Variants in PSMD14 observed in about 807,000 individuals in gnomAD.
The protein encoded by PSMD14 is ubiquitin C-terminal hydrolase PSMD14.
PSMD14 carries 7 observed loss-of-function variants against 41.2 expected under a neutral mutation model. The observed-to-expected ratio is 0.17, with a 90% CI of 0.10 to 0.32. PSMD14 has a LOEUF of 0.32. Among genes scored for constraint, PSMD14 ranks in the 10% least tolerant of loss-of-function variants. The probability of loss-of-function intolerance (pLI) is 1.00; values close to 1 mark genes in which losing one functional copy is unlikely to be tolerated. For missense variants in PSMD14, 139 were observed against 375.6 expected, an observed-to-expected ratio of 0.37 and a Z score of 5.21; for synonymous variants, 114 against 122.3, an observed-to-expected ratio of 0.93 and a Z score of 0.45.
intron 1 of PSMD14, among the ~76,000 whole-genome samples, chr2:161,310,922 C>T (rs1559034992): frequency 6.6e-6 from 1 of 152,194 alleles, no homozygotes; most frequent in Non-Finnish European, 1.5e-5. Flanking sequence ...TCTCTCAGTG[C>T]ATGCCACTAA....
At chr2:161,402,239 A>G (rs1574143311) in intron 10 of PSMD14, among the ~76,000 whole-genome samples, 2 of 152,196 alleles carry the variant, frequency 1.3e-5, no homozygotes, top group African/African-American at 2.4e-5. Context: ...TCTAAAATGC[A>G]TATTGGTCAT....
At chr2:161,326,452 T>C (rs979147704) in intron 3 of PSMD14, among the ~76,000 whole-genome samples, 2 of 152,200 alleles carry the variant, frequency 1.3e-5, no homozygotes, top group Non-Finnish European at 2.9e-5. Context: ...TGTACATTGA[T>C]GGTAGAAATG....
rs530966953 is a variant in PSMD14, at chr2:161,390,224, T to A, written c.571-880T>A. The stretch of plus-strand genomic sequence containing the variant: ...AGTCTATTAGTTAGAGAAGTGGTGG[T>A]TATTTTGGTTAGTTTTTCTCTTTAG... On this transcript the variant is annotated intron_variant, in intron 8 of 11. Coordinates refer to ENST00000409682, the MANE Select transcript of PSMD14 (RefSeq NM_005805.6). Among the ~76,000 whole-genome samples the A allele has an allele frequency of 3.3e-5, 5 of 152,004 alleles. No individual in the cohort carries two copies. The South Asian group carries it at 1.0e-3, about 31-fold the overall frequency.
intron 3 of PSMD14, among the ~76,000 whole-genome samples, chr2:161,350,916 A>C (rs1683109886): frequency 6.6e-6 from 1 of 152,162 alleles, no homozygotes; most frequent in Non-Finnish European, 1.5e-5. Context: ...TATACTGTGG[A>C]GTGTGCTTCA....
At chr2:161,346,966 C>T (rs972769121) in intron 3 of PSMD14, among the ~76,000 whole-genome samples, 2 of 150,880 alleles carry the variant, frequency 1.3e-5, no homozygotes, top group African/African-American at 2.4e-5. Context: ...GGTTTTCTCT[C>T]TTTGCAGCTA....
At chr2:161,330,865 G>T (rs1682777082) in intron 3 of PSMD14, among the ~76,000 whole-genome samples, 1 of 152,126 alleles carries the variant, frequency 6.6e-6, no homozygotes, top group African/African-American at 2.4e-5. Flanking sequence ...CTTACTCATT[G>T]TACATTTTCC....
chr2:161,327,710 C>T (rs1430690234), intron 3 of PSMD14, among the ~76,000 whole-genome samples: 1 of 152,026 alleles, frequency 6.6e-6, no homozygotes, highest in East Asian at 1.9e-4. Context: ...ACACATTAAT[C>T]TGCAACACCA....
At chr2:161,387,333 A>G (rs1184004736) in intron 8 of PSMD14, among the ~76,000 whole-genome samples, 1 of 152,060 alleles carries the variant, frequency 6.6e-6, no homozygotes, top group Non-Finnish European at 1.5e-5. Context: ...ATTTTATTTT[A>G]TGTTAGCAGG....
At chr2:161,345,236 C>CTTTTTTTTTTTTTTTTTTTT in intron 3 of PSMD14, among the ~76,000 whole-genome samples, 1 of 57,020 alleles carries the variant, frequency 1.8e-5, no homozygotes, top group Non-Finnish European at 3.0e-5. Context: ...ATCTCTGTGT[C>CTTTTTTTTTTTTTTTTTTTT]TTTTTTTTTT....
At chr2:161,383,065 C>A (rs765003705) in intron 7 of PSMD14, 1 of 150,540 alleles carries the variant, frequency 6.6e-6, no homozygotes, top group Admixed American at 6.6e-5. Flanking sequence ...TTTAATCTTA[C>A]GGTGGCATAA....
chr2:161,365,814 G>A (rs376506893), intron 3 of PSMD14, among the ~76,000 whole-genome samples: 17 of 152,096 alleles, frequency 1.1e-4, no homozygotes, highest in African/African-American at 1.7e-4. Flanking sequence ...ATTTAAAGTC[G>A]TCTTTTAACT....
intron 3 of PSMD14, among the ~76,000 whole-genome samples, chr2:161,364,026 G>C (rs1302453330): frequency 6.6e-6 from 1 of 152,192 alleles, no homozygotes; most frequent in African/African-American, 2.4e-5. Flanking sequence ...CAGATCACAC[G>C]TGGGCTTGGA....
At chr2:161,343,743 G>T (rs1230238273) in intron 3 of PSMD14, among the ~76,000 whole-genome samples, 1 of 152,022 alleles carries the variant, frequency 6.6e-6, no homozygotes, top group Non-Finnish European at 1.5e-5. Context: ...CTGGAGAATC[G>T]CTTGAGCCTG....
intron 5 of PSMD14, 93 bp from the exon 6 acceptor site, chr2:161,370,014 T>C: frequency 2.4e-6 from 2 of 840,918 alleles, no homozygotes; most frequent in East Asian, 5.6e-5. Context: ...TCAAAACCTA[T>C]AAAATGATTT....
At chr2:161,363,080 CT>C (rs1683311535) in intron 3 of PSMD14, among the ~76,000 whole-genome samples, 1 of 152,206 alleles carries the variant, frequency 6.6e-6, no homozygotes, top group Admixed American at 6.5e-5. Flanking sequence ...ACTGCCTGAG[CT>C]CCACCTCCTG....
intron 9 of PSMD14, among the ~76,000 whole-genome samples, chr2:161,392,713 TG>T (rs1234047884): frequency 2.0e-5 from 3 of 152,128 alleles, no homozygotes; most frequent in Non-Finnish European, 4.4e-5. Flanking sequence ...CTCTTCTAAT[TG>T]CCTGCCTGTG....
At position 161,364,758 on chromosome 2, in the gene PSMD14, TC is replaced by T. The variant is rs1451661184; in HGVS notation, c.49-2719del. On this transcript the variant is annotated intron_variant, in intron 3 of 11. Transcript: ENST00000409682. ...TTCACTGGTACCAACCTTCTCTAGT[TC>T]TTGCCCACAGTAGTGAAAGGGGCAG... Among the ~76,000 whole-genome samples, 7 of 152,296 alleles carry T rather than the reference TC, an allele frequency of 4.6e-5. No individual in the cohort carries two copies. In the East Asian group the frequency reaches 1.3e-3, roughly 29 times the overall value.
chr2:161,349,356 G>A (rs1255932926), intron 3 of PSMD14, among the ~76,000 whole-genome samples: 1 of 152,206 alleles, frequency 6.6e-6, no homozygotes, highest in African/African-American at 2.4e-5. Context: ...ATGTATGCCT[G>A]GCTCACAGAG....
intron 3 of PSMD14, among the ~76,000 whole-genome samples, chr2:161,329,188 A>G (rs1178218245): frequency 1.3e-5 from 2 of 152,100 alleles, no homozygotes; most frequent in Non-Finnish European, 2.9e-5. Context: ...GAACTTGGAC[A>G]CTCTGAAGAT....
Sources: gnomAD v4.1 joint callset for allele counts (sites outside exome capture counted in the v4.1 genomes callset) on GRCh38, gnomAD v4.1.1 for gene constraint, MANE v1.5 for transcripts, NCBI Gene and HGNC (gene_info 2026-07-23, HGNC 2026-07-21) for gene names.